The following CATSPERE variants were observed in gnomAD, a reference collection of about 807,000 sequenced individuals.
CATSPERE encodes the protein cation channel sperm-associated auxiliary subunit epsilon.
CATSPERE carries 93 observed loss-of-function variants against 114.1 expected under a neutral mutation model. That is an observed-to-expected ratio of 0.81 (90% CI 0.69 to 0.97). The LOEUF (loss-of-function observed/expected upper bound fraction) is 0.97. Ranked by LOEUF, CATSPERE falls within the 50% of genes least tolerant of loss-of-function variation. The pLI, the probability that CATSPERE is intolerant of heterozygous loss-of-function variation, is 0.00. For missense variants in CATSPERE, 1,058 were observed against 1,131.6 expected (o/e 0.93, Z 0.93); for synonymous variants, 341 against 384.1 (o/e 0.89, Z 1.31).
intron 7 of CATSPERE, among the ~76,000 whole-genome samples, chr1:244,516,622 A>G (rs1288685778): frequency 6.7e-6 from 1 of 149,730 alleles, no homozygotes; most frequent in African/African-American, 2.5e-5. Flanking sequence ...CCTGAGTTCA[A>G]GTGATTCTCC....
chr1:244,455,494 A>C lies in CATSPERE; in HGVS notation n.237+881A>C, dbSNP rs183897472. Among the ~76,000 whole-genome samples the C allele has an allele frequency of 6.8e-4, 103 of 151,504 alleles. 3 individuals are homozygous for C. The East Asian group carries it at 0.014, about 20-fold the overall frequency. ...TGGCGTGGCTAAAGTTGGGTATAAA[A>C]TTTTTAAGGGTTTTTTTTTTTTTTT... On this transcript the variant is annotated intron_variant and non_coding_transcript_variant, in intron 1 of 15. Coordinates refer to the CATSPERE transcript ENST00000473875.
At chr1:244,618,831 A>G (rs1433453635) in intron 20 of CATSPERE, among the ~76,000 whole-genome samples, 1 of 152,204 alleles carries the variant, frequency 6.6e-6, no homozygotes, top group Non-Finnish European at 1.5e-5. Context: ...ATAATGGAGA[A>G]GAGTGACGTT....
chr1:244,606,326 A>G (rs1669999092), intron 18 of CATSPERE, among the ~76,000 whole-genome samples: 1 of 152,058 alleles, frequency 6.6e-6, no homozygotes, highest in Non-Finnish European at 1.5e-5. Flanking sequence ...TACCACTCCC[A>G]ATCAACACAT....
chr1:244,534,420 T>C (rs1680066929), intron 8 of CATSPERE, among the ~76,000 whole-genome samples: 1 of 152,156 alleles, frequency 6.6e-6, no homozygotes, highest in Non-Finnish European at 1.5e-5. Context: ...TTGAGGCTGT[T>C]TTCTAGATCT....
chr1:244,605,176 T>G (rs1669818472), intron 17 of CATSPERE, among the ~76,000 whole-genome samples: 1 of 152,214 alleles, frequency 6.6e-6, no homozygotes, highest in Non-Finnish European at 1.5e-5. Flanking sequence ...TTCTGTGGTT[T>G]CATTCTCTAG....
At chr1:244,545,278 A>G (rs968413611) in intron 8 of CATSPERE, among the ~76,000 whole-genome samples, 2 of 152,198 alleles carry the variant, frequency 1.3e-5, no homozygotes, top group East Asian at 1.9e-4. Context: ...GGCCCCTCCT[A>G]TAACCAAGAA....
intron 17 of CATSPERE, 45 bp from the exon 18 acceptor site, chr1:244,605,650 T>C (rs1669883808): frequency 6.0e-6 from 8 of 1,332,080 alleles, no homozygotes; most frequent in Non-Finnish European, 8.6e-6. Context: ...TTAACCCCTC[T>C]ATTTTATATT....
intron 14 of CATSPERE, among the ~76,000 whole-genome samples, chr1:244,589,181 A>C (rs564545444): frequency 3.3e-5 from 5 of 152,242 alleles, no homozygotes; most frequent in African/African-American, 4.8e-5. Flanking sequence ...CTAAATGTAT[A>C]ACAGAGACAG....
chr1:244,455,092 G>A (rs1247287944), intron 1 of CATSPERE, among the ~76,000 whole-genome samples: 1 of 152,086 alleles, frequency 6.6e-6, no homozygotes, highest in Non-Finnish European at 1.5e-5. Flanking sequence ...GCTTCTGTAG[G>A]CTCCTTCTGG....
chr1:244,499,747 T>C (rs1022904754), intron 7 of CATSPERE, among the ~76,000 whole-genome samples: 1 of 152,194 alleles, frequency 6.6e-6, no homozygotes, highest in Non-Finnish European at 1.5e-5. Flanking sequence ...CTCTCATTGA[T>C]GGGCATCTGG....
chr1:244,528,785 C>CCACACACGCGCACACA (rs749801424), intron 8 of CATSPERE, among the ~76,000 whole-genome samples: 57 of 130,584 alleles, frequency 4.4e-4, no homozygotes, highest in African/African-American at 1.6e-3. Context: ...CAATCCCCCA[C>CCACACACGCGCACACA]CACACACACA....
At chr1:244,585,677 C>T (rs994597182) in intron 13 of CATSPERE, among the ~76,000 whole-genome samples, 1 of 152,190 alleles carries the variant, frequency 6.6e-6, no homozygotes, top group African/African-American at 2.4e-5. Context: ...TACAGACTGA[C>T]CCACTGGGTG....
chr1:244,609,073 C>T (rs945362733), intron 18 of CATSPERE, among the ~76,000 whole-genome samples: 2 of 152,030 alleles, frequency 1.3e-5, no homozygotes, highest in Admixed American at 6.5e-5. Context: ...GTAGTCCTAG[C>T]TACTCGGGAG....
intron 7 of CATSPERE, among the ~76,000 whole-genome samples, chr1:244,517,837 A>G (rs1313223816): frequency 6.6e-6 from 1 of 151,526 alleles, no homozygotes; most frequent in Admixed American, 6.6e-5. Context: ...CATTATTCCT[A>G]CTTCCCACAA....
At chr1:244,472,677 T>C (rs1668685853) in intron 2 of CATSPERE, among the ~76,000 whole-genome samples, 1 of 152,232 alleles carries the variant, frequency 6.6e-6, no homozygotes. Flanking sequence ...CTTTGTGTTG[T>C]ACATTATGTG....
chr1:244,572,372 T>C lies in CATSPERE; in HGVS notation c.1550T>C (p.Ile517Thr). The change falls in exon 11 of 22, where the codon ATA becomes ACA. Residue 517 changes from isoleucine to threonine, a missense_variant. Around this residue, in one of 2 missense-constraint regions of CATSPERE, gnomAD observed 787 missense variants for 905.6 expected, o/e 0.87. Coordinates refer to ENST00000366534, the MANE Select transcript of CATSPERE (RefSeq NM_001130957.2). ...TTGGTAAAAATGGAAAATAATGTAATATTTTATTCCAAGATTAATACTAGA... is the reference window on the plus strand; with the variant it reads ...TTGGTAAAAATGGAAAATAATGTAACATTTTATTCCAAGATTAATACTAGA... ...DILVKMENNV[I>T]FYSKINTRDA... is the part of the protein sequence containing the mutation. The C allele has an allele frequency of 6.6e-7, 1 of 1,520,160 alleles. No homozygotes were observed. The highest frequency in any genetic ancestry group is 9.1e-7 in the Non-Finnish European group (1 of 1,103,064). 94.2% of individuals were successfully genotyped at this position (1,520,160 alleles called of 1,614,324 possible).
intron 8 of CATSPERE, among the ~76,000 whole-genome samples, chr1:244,528,302 T>C (rs1678991347): frequency 6.6e-6 from 1 of 152,260 alleles, no homozygotes; most frequent in South Asian, 2.1e-4. Flanking sequence ...ATGCTAAAAA[T>C]GTATACACTA....
intron 20 of CATSPERE, among the ~76,000 whole-genome samples, chr1:244,621,028 AATATATATAAAAT>A (rs1672038889): frequency 9.0e-6 from 1 of 111,068 alleles, no homozygotes. Context: ...AATATATATA[AATATATATAAAAT>A]ATATATATAA....
rs1558609659 is a variant in CATSPERE, at chr1:244,621,121, A to ATAGATATATT, written c.2648+3437_2648+3438insGATATATTTA. 2.4e-4 allele frequency among the ~76,000 whole-genome samples: 21 copies of ATAGATATATT among 88,682 alleles called. 1 individual carries two copies. The highest frequency in any genetic ancestry group is 5.5e-4 in the East Asian group (2 of 3,614). The allele number at this position is 88,682 out of a possible 152,430, so 58.2% of individuals were successfully genotyped here. ...ATATATATAAATATATATATAATAT[A>ATAGATATATT]TATATAAATATATATAAAATATATA... On this transcript the variant is annotated intron_variant, in intron 20 of 21. Coordinates refer to ENST00000366534, the MANE Select transcript of CATSPERE (RefSeq NM_001130957.2).
Sources: allele counts gnomAD v4.1 joint callset (sites outside exome capture counted in the v4.1 genomes callset), GRCh38; gene constraint gnomAD v4.1.1; regional missense constraint gnomAD v4.1.1; transcripts MANE v1.5; gene names NCBI Gene and HGNC (gene_info 2026-07-23, HGNC 2026-07-21).